Variants in TNNT3 observed in about 807,000 individuals in gnomAD.
The protein encoded by TNNT3 is troponin T, fast skeletal muscle.
A neutral mutation model predicts 54.2 loss-of-function variants in TNNT3; 36 were observed. The observed-to-expected ratio is 0.66, with a 90% CI of 0.51 to 0.88. The LOEUF (loss-of-function observed/expected upper bound fraction) is 0.88, where lower values mean the gene tolerates loss of function less well. Ranked by LOEUF, TNNT3 falls within the 40% of genes least tolerant of loss-of-function variation. TNNT3 has a pLI of 0.00. For missense variants in TNNT3, 291 were observed against 331.6 expected, an observed-to-expected ratio of 0.88 and a Z score of 0.95; for synonymous variants, 120 against 109.7, an observed-to-expected ratio of 1.09 and a Z score of -0.59.
chr11:1,935,814 C>G (rs746883201), intron 14 of TNNT3, among the ~76,000 whole-genome samples: 3 of 152,108 alleles, frequency 2.0e-5, no homozygotes, highest in Non-Finnish European at 2.9e-5. Context: ...CCAGTCCAAG[C>G]CAGCCGGGCA....
In TNNT3 at chr11:1,922,862, ACCCACC is replaced by A; in HGVS notation, c.-12_-7del. On this transcript the variant is annotated 5_prime_UTR_variant, in exon 2 of 16. Coordinates refer to ENST00000278317, the MANE Select transcript of TNNT3 (RefSeq NM_006757.4). ...CTCTGAATCTCTCTCTGCAGAAACCACCCACCTTCACCATGTCTGACGAGGAAGTGT... is the reference window on the plus strand; with the variant it reads ...CTCTGAATCTCTCTCTGCAGAAACCATTCACCATGTCTGACGAGGAAGTGT... The A allele has an allele frequency of 3.7e-6, 6 of 1,612,640 alleles. No individual in the cohort carries two copies. The highest frequency in any genetic ancestry group is 5.1e-6 in the Non-Finnish European group (6 of 1,179,812).
intron 11 of TNNT3, 142 bp from the exon 12 acceptor site, chr11:1,934,190 C>A: frequency 1.9e-6 from 2 of 1,052,420 alleles, no homozygotes; most frequent in African/African-American, 1.6e-5. Flanking sequence ...CTGGCCAAGA[C>A]CTGGAGCTTC....
chr11:1,924,908 G>A (rs1851099421), intron 4 of TNNT3, 191 bp from the exon 5 acceptor site: 4 of 694,960 alleles, frequency 5.8e-6, no homozygotes, highest in South Asian at 1.6e-5. Flanking sequence ...GTGGGAGTCC[G>A]TGCTCCCCGG....
At chr11:1,919,866 C>T (rs977558811) in intron 1 of TNNT3, 104 bp downstream of exon 1, 2 of 152,272 alleles carry the variant, frequency 1.3e-5, no homozygotes, top group African/African-American at 4.8e-5. Flanking sequence ...TCCTGGGGCG[C>T]TGAGGTCCCA....
chr11:1,936,807 G>T (rs1855216590), intron 14 of TNNT3, among the ~76,000 whole-genome samples, 156 bp from the exon 15 acceptor site: 1 of 152,240 alleles, frequency 6.6e-6, no homozygotes, highest in Non-Finnish European at 1.5e-5. Context: ...TGCACAAGGA[G>T]CCAGGAGACA....
At chr11:1,926,331 G>A (rs933793776) in intron 5 of TNNT3, 9 of 1,062,024 alleles carry the variant, frequency 8.5e-6, no homozygotes, top group African/African-American at 3.1e-5. Flanking sequence ...AACTCTGACC[G>A]TGTCTTGCTC....
At chr11:1,919,881 C>T (rs912664974) in intron 1 of TNNT3, 119 bp downstream of exon 1, 10 of 152,392 alleles carry the variant, frequency 6.6e-5, no homozygotes, top group African/African-American at 2.2e-4. Context: ...GTCCCAGGTC[C>T]GTGTGGTGCC....
At position 1,932,451 on chromosome 11, in the gene TNNT3, T is replaced by G; in HGVS notation, c.126-18T>G. ...GTCTCCGGGTCTCTGCTCACGGGCC[T>G]CTCTGTCTCCTCTTCAGACTCACTG... On this transcript the variant is annotated intron_variant, in intron 8 of 15. Coordinates refer to ENST00000278317, the MANE Select transcript of TNNT3 (RefSeq NM_006757.4). 1 of 1,613,448 alleles carries G rather than the reference T, an allele frequency of 6.2e-7. No homozygotes were observed. Among genetic ancestry groups the G allele is most frequent in the Non-Finnish European group, 8.5e-7 (1 of 1,179,870 alleles).
At chr11:1,936,806 A>G (rs1855215862) in intron 14 of TNNT3, among the ~76,000 whole-genome samples, 157 bp from the exon 15 acceptor site, 1 of 152,186 alleles carries the variant, frequency 6.6e-6, no homozygotes, top group African/African-American at 2.4e-5. Flanking sequence ...CTGCACAAGG[A>G]GCCAGGAGAC....
At chr11:1,922,142 C>T (rs1373678005) in intron 1 of TNNT3, among the ~76,000 whole-genome samples, 4 of 152,302 alleles carry the variant, frequency 2.6e-5, no homozygotes, top group South Asian at 2.1e-4. Context: ...CCCAACCCAA[C>T]GTGCTCTGGG....
intron 14 of TNNT3, chr11:1,935,277 C>T (rs749634889): frequency 7.7e-5 from 28 of 363,706 alleles, no homozygotes; most frequent in Non-Finnish European, 1.4e-4. Context: ...CCCATCATCA[C>T]CCAGCTCGGC....
At chr11:1,922,052 G>T (rs998888671) in intron 1 of TNNT3, among the ~76,000 whole-genome samples, 114 of 152,338 alleles carry the variant, frequency 7.5e-4, no homozygotes, top group African/African-American at 2.6e-3. Flanking sequence ...GAAATGGGGG[G>T]GCTGTTCTGT....
chr11:1,935,248 T>A, intron 14 of TNNT3: 1 of 421,568 alleles, frequency 2.4e-6, no homozygotes, highest in Non-Finnish European at 4.5e-6. Flanking sequence ...TCGGAACCCC[T>A]TTAAGCTTAT....
Position 1,933,984 on chromosome 11 carries a change from G to T in TNNT3, c.342G>T (p.Glu114Asp). 1 of 1,612,552 alleles carries T rather than the reference G, an allele frequency of 6.2e-7. No homozygotes were observed. The highest frequency in any genetic ancestry group is 8.5e-7 in the Non-Finnish European group (1 of 1,179,918). The change falls in exon 11 of 16, where the codon GAG (glutamate) becomes GAT (aspartate). Residue 114 changes from glutamate to aspartate, a missense_variant. By Grantham distance (45) the Glu-to-Asp change is conservative. Transcript: ENST00000278317. ...AEQQRIRAEKERERQNRLAEE... is the reference protein window; with the variant it reads ...AEQQRIRAEKDRERQNRLAEE... Reference sequence around the variant, plus strand: ...AGCAGAGGATTCGTGCAGAGAAGGAGAGGGAGCGCCAGAACAGACTGGCGG... The same window carrying T: ...AGCAGAGGATTCGTGCAGAGAAGGATAGGGAGCGCCAGAACAGACTGGCGG...
chr11:1,934,421 C>A lies in TNNT3; in HGVS notation c.456C>A (p.Ala152=). 6.2e-7 allele frequency: 1 copy of A among 1,613,756 alleles called. No individual in the cohort carries two copies. Among genetic ancestry groups the A allele is most frequent in the Non-Finnish European group, 8.5e-7 (1 of 1,180,022 alleles). The part of the protein sequence containing the change: ...KKKKALSSMG[A]NYSSYLAKAD... Reference sequence around the variant, plus strand: ...AGAAAGCTCTGTCTTCCATGGGAGCCAACTACAGCAGCTACCTGGCCAAGG... The same window carrying A: ...AGAAAGCTCTGTCTTCCATGGGAGCAAACTACAGCAGCTACCTGGCCAAGG... The change falls in exon 12 of 16, where the codon GCC becomes GCA. Residue 152 remains alanine, a synonymous_variant. Coordinates refer to ENST00000278317, the MANE Select transcript of TNNT3 (RefSeq NM_006757.4).
In TNNT3 at chr11:1,934,888, T is replaced by A; in HGVS notation, c.650T>A (p.Phe217Tyr). Residue 217 changes from phenylalanine to tyrosine, a missense_variant, in exon 14 of 16, where the codon TTT (phenylalanine) becomes TAT (tyrosine). By Grantham distance (22) the Phe-to-Tyr change is conservative (BLOSUM62 3). Coordinates refer to ENST00000278317, the MANE Select transcript of TNNT3 (RefSeq NM_006757.4). The part of the protein sequence containing the change: ...LHQLEIDKFE[F>Y]GEKLKRQKYD... Reference sequence around the variant, plus strand: ...CAGCTGGAGATTGACAAGTTCGAGTTTGGGGAGAAGCTGAAACGCCAGAAA... The same window carrying A: ...CAGCTGGAGATTGACAAGTTCGAGTATGGGGAGAAGCTGAAACGCCAGAAA... The A allele has an allele frequency of 6.2e-7, 1 of 1,613,590 alleles. No homozygotes were observed. Among genetic ancestry groups the A allele is most frequent in the Non-Finnish European group, 8.5e-7 (1 of 1,180,012 alleles).
intron 1 of TNNT3, 71 bp from the exon 2 acceptor site, chr11:1,922,786 C>A: frequency 6.6e-7 from 1 of 1,505,334 alleles, no homozygotes; most frequent in Non-Finnish European, 9.2e-7. Context: ...CATCCCCCAT[C>A]CTACACCCAG....
Position 1,937,292 on chromosome 11 carries a change from G to T in TNNT3, c.722+289G>T, listed in dbSNP as rs1488250192. Among the ~76,000 whole-genome samples, 7 of 152,230 alleles carry T rather than the reference G, an allele frequency of 4.6e-5. No individual in the cohort carries two copies. In the East Asian group the frequency reaches 1.4e-3, roughly 29 times the overall value. On this transcript the variant is annotated intron_variant, in intron 15 of 15. Coordinates refer to ENST00000278317, the MANE Select transcript of TNNT3 (RefSeq NM_006757.4). ...GCCCCGAGTCTGGCACTGGCTGCAG[G>T]GAGAGGGCAGCCAGGGGACCCCTAG...
intron 15 of TNNT3, 36 bp downstream of exon 15, chr11:1,937,039 A>C: frequency 6.4e-7 from 1 of 1,567,830 alleles, no homozygotes; most frequent in South Asian, 1.2e-5. Flanking sequence ...CGCACTGGGC[A>C]CAGGGGCCCT....
Sources: gnomAD v4.1 joint callset for allele counts (sites outside exome capture counted in the v4.1 genomes callset) on GRCh38, gnomAD v4.1.1 for gene constraint, MANE v1.5 for transcripts, NCBI Gene and HGNC (gene_info 2026-07-23, HGNC 2026-07-21) for gene names.